The following LASP1 variants were observed in gnomAD, a reference collection of about 807,000 sequenced individuals.
The protein encoded by LASP1 is LIM and SH3 protein 1.
LASP1 carries 10 observed loss-of-function variants against 38.6 expected under a neutral mutation model. The ratio of observed to expected loss-of-function variants is 0.26; its 90% CI spans 0.16 to 0.44. The LOEUF (loss-of-function observed/expected upper bound fraction) is 0.44, where lower values mean the gene tolerates loss of function less well. Among genes scored for constraint, LASP1 ranks in the 20% least tolerant of loss-of-function variants. LASP1 has a pLI of 1.00. For missense variants in LASP1, 243 were observed against 375.7 expected (o/e 0.65, Z 2.92); for synonymous variants, 132 against 140.8 (o/e 0.94, Z 0.44).
chr17:38,890,294 G>A, intron 2 of LASP1, 126 bp from the exon 3 acceptor site: 2 of 788,458 alleles, frequency 2.5e-6, no homozygotes, highest in East Asian at 5.1e-5. Context: ...AAGTCCTCCT[G>A]TGGGGCCGGG....
intron 2 of LASP1, among the ~76,000 whole-genome samples, chr17:38,879,088 G>GC (rs1567695486): frequency 3.3e-5 from 5 of 151,850 alleles, no homozygotes; most frequent in African/African-American, 1.2e-4. Context: ...CTCCACCTGC[G>GC]AGGTGGAGGC....
Position 38,918,080 on chromosome 17 carries a change from C to T in LASP1, c.613-525C>T, listed in dbSNP as rs1915183331. ...GCTTGAACCCGGGAGGCGGATGTTGCAGTGAGCCAAGATCACACCATTGCA... is the reference window on the plus strand; with the variant it reads ...GCTTGAACCCGGGAGGCGGATGTTGTAGTGAGCCAAGATCACACCATTGCA... On this transcript the variant is annotated intron_variant, in intron 6 of 6. Transcript: ENST00000318008. This position sits in a 1 kb window ranked among gnomAD's most constrained non-coding sequence, Gnocchi z 4.4. Among the ~76,000 whole-genome samples, 1 of 149,192 alleles carries T rather than the reference C, an allele frequency of 6.7e-6. No individual in the cohort carries two copies. Among genetic ancestry groups the T allele is most frequent in the Admixed American group, 6.7e-5 (1 of 14,874 alleles).
chr17:38,918,753 C>T lies in LASP1; in HGVS notation c.761C>T (p.Pro254Leu), dbSNP rs146092528. The change falls in exon 7 of 7, where the codon CCG (proline) becomes CTG (leucine). Residue 254 changes from proline (P) to leucine (L), a missense_variant. Pro to Leu is a moderately conservative substitution (Grantham distance 98). Transcript: ENST00000318008. The surrounding 1 kb of genome is among the most constrained non-coding windows in gnomAD (Gnocchi z 4.4). ...VERTGDTGML[P>L]ANYVEAI ...CGCACCGGCGACACGGGGATGCTGCCGGCCAACTACGTGGAGGCCATCTGA... is the reference window on the plus strand; with the variant it reads ...CGCACCGGCGACACGGGGATGCTGCTGGCCAACTACGTGGAGGCCATCTGA... 6 of 1,613,848 alleles carry T rather than the reference C, an allele frequency of 3.7e-6. No homozygotes were observed. The highest frequency in any genetic ancestry group is 2.2e-5 in the East Asian group (1 of 44,892).
chr17:38,889,466 A>G (rs1914241030), intron 2 of LASP1, among the ~76,000 whole-genome samples: 1 of 152,148 alleles, frequency 6.6e-6, no homozygotes, highest in Admixed American at 6.5e-5. Flanking sequence ...AGCAGCCCTA[A>G]TCCAAAAATC....
chr17:38,901,346 G>C (rs547145239), intron 4 of LASP1, among the ~76,000 whole-genome samples: 2 of 152,340 alleles, frequency 1.3e-5, no homozygotes, highest in African/African-American at 4.8e-5. Flanking sequence ...TACCCTTCTC[G>C]CGGTGCTGCA....
At chr17:38,890,856 C>T (rs1914295697) in intron 3 of LASP1, among the ~76,000 whole-genome samples, 1 of 152,196 alleles carries the variant, frequency 6.6e-6, no homozygotes, top group Non-Finnish European at 1.5e-5. Flanking sequence ...GAATTTGCCC[C>T]TCCAGGTCAT....
At chr17:38,899,425 G>A (rs77415141) in intron 4 of LASP1, among the ~76,000 whole-genome samples, 7,771 of 152,156 alleles carry the variant, frequency 0.051, 610 homozygotes, top group African/African-American at 0.18. Context: ...CTTTCCGGTG[G>A]TCTCAGCACC....
Position 38,918,766 on chromosome 17 carries a change from G to A in LASP1, c.774G>A (p.Val258=). 1 of 1,613,812 alleles carries A rather than the reference G, an allele frequency of 6.2e-7. No homozygotes were observed. Among genetic ancestry groups the A allele is most frequent in the Non-Finnish European group, 8.5e-7 (1 of 1,180,000 alleles). ...CGGGGATGCTGCCGGCCAACTACGT[G>A]GAGGCCATCTGAACCCGCAGCGCCC... ...GDTGMLPANY[V]EAI is the part of the protein sequence containing the mutation. The change falls in exon 7 of 7, where the codon GTG becomes GTA. Residue 258 remains valine, a synonymous_variant. Transcript: ENST00000318008. This position sits in a 1 kb window ranked among gnomAD's most constrained non-coding sequence, Gnocchi z 4.4.
At position 38,919,568 on chromosome 17, in the gene LASP1, C is replaced by T; in HGVS notation, c.*790C>T. 4.0e-6 allele frequency: 1 copy of T among 248,742 alleles called. No individual in the cohort carries two copies. Among genetic ancestry groups the T allele is most frequent in the Non-Finnish European group, 7.9e-6 (1 of 126,106 alleles). 15.4% of individuals were successfully genotyped at this position (248,742 alleles called of 1,614,324 possible). Reference sequence around the variant, plus strand: ...CCGCAGCCCCTTTCCCCACGCCCACCCCCAGTCTCCAGGGACCCTTGCCTG... The same window carrying T: ...CCGCAGCCCCTTTCCCCACGCCCACTCCCAGTCTCCAGGGACCCTTGCCTG... On this transcript the variant is annotated 3_prime_UTR_variant, in exon 7 of 7. Transcript: ENST00000318008.
At chr17:38,872,723 C>T (rs1177932725) in intron 1 of LASP1, among the ~76,000 whole-genome samples, 1 of 152,114 alleles carries the variant, frequency 6.6e-6, no homozygotes, top group Non-Finnish European at 1.5e-5. Flanking sequence ...TTAGACTCAC[C>T]CGTTTCTCTA....
At chr17:38,899,747 C>CTTTTTT (rs34397105) in intron 4 of LASP1, among the ~76,000 whole-genome samples, 1 of 136,132 alleles carries the variant, frequency 7.3e-6, no homozygotes, top group Admixed American at 7.3e-5. Context: ...GCGTTCAGAT[C>CTTTTTT]TTTTTTTTTT....
At chr17:38,871,679 G>A (rs578112678) in intron 1 of LASP1, among the ~76,000 whole-genome samples, 1 of 152,274 alleles carries the variant, frequency 6.6e-6, no homozygotes, top group South Asian at 2.1e-4. Context: ...GCGTGAGGAG[G>A]TGGGGTTGGA....
At chr17:38,892,216 C>T (rs1031535452) in intron 3 of LASP1, among the ~76,000 whole-genome samples, 1 of 152,188 alleles carries the variant, frequency 6.6e-6, no homozygotes, top group Non-Finnish European at 1.5e-5. Flanking sequence ...ATAGGGGAAC[C>T]GAGTGAGTGA....
At chr17:38,903,208 G>T (rs1028829262) in intron 4 of LASP1, among the ~76,000 whole-genome samples, 1 of 152,122 alleles carries the variant, frequency 6.6e-6, no homozygotes. Flanking sequence ...GGAAGAGATG[G>T]TAAGGGCCCA....
At chr17:38,893,741 T>C (rs1402179044) in intron 3 of LASP1, among the ~76,000 whole-genome samples, 1 of 152,152 alleles carries the variant, frequency 6.6e-6, no homozygotes, top group Non-Finnish European at 1.5e-5. Context: ...GGGCTGGGCC[T>C]GATGCTTTGA....
At chr17:38,884,430 C>CA (rs1163384091) in intron 2 of LASP1, among the ~76,000 whole-genome samples, 1 of 150,728 alleles carries the variant, frequency 6.6e-6, no homozygotes, top group African/African-American at 2.4e-5. Context: ...TCTTGTTGCC[C>CA]AGGCTGGAGT....
At chr17:38,891,919 A>G (rs1413288370) in intron 3 of LASP1, among the ~76,000 whole-genome samples, 1 of 151,542 alleles carries the variant, frequency 6.6e-6, no homozygotes, top group Non-Finnish European at 1.5e-5. Context: ...ACATAGCAAT[A>G]CCTGGTCCCT....
At chr17:38,877,152 T>C (rs2143731971) in intron 1 of LASP1, among the ~76,000 whole-genome samples, 1 of 152,286 alleles carries the variant, frequency 6.6e-6, no homozygotes, top group Non-Finnish European at 1.5e-5. Context: ...GACATCTGAG[T>C]GCTCAGAGGT....
chr17:38,892,452 C>T (rs1914355620), intron 3 of LASP1, among the ~76,000 whole-genome samples: 1 of 152,150 alleles, frequency 6.6e-6, no homozygotes, highest in African/African-American at 2.4e-5. Context: ...CTCCTGCCTT[C>T]AATTCCCTGC....
Sources: allele counts gnomAD v4.1 joint callset (sites outside exome capture counted in the v4.1 genomes callset), GRCh38; gene constraint gnomAD v4.1.1; non-coding constraint Gnocchi (gnomAD v3.1); transcripts MANE v1.5; gene names NCBI Gene and HGNC (gene_info 2026-07-23, HGNC 2026-07-21).